The following BBS9 variants were observed in gnomAD, a reference collection of about 807,000 sequenced individuals.
The protein encoded by BBS9 is protein PTHB1.
In BBS9, 89 loss-of-function variants were observed where a neutral mutation model predicts 117.7. The ratio of observed to expected loss-of-function variants is 0.76; its 90% CI spans 0.64 to 0.90. BBS9 has a LOEUF of 0.90. BBS9 is among the 40% of genes least tolerant of loss of function. The pLI is 0.00. For synonymous variants in BBS9, 379 were observed against 370.9 expected (o/e 1.02, Z -0.25); for missense variants, 982 against 1,042.2 (o/e 0.94, Z 0.80).
intron 1 of BBS9, among the ~76,000 whole-genome samples, chr7:33,141,072 G>A (rs779286812): frequency 6.6e-6 from 1 of 152,044 alleles, no homozygotes; most frequent in Non-Finnish European, 1.5e-5. Flanking sequence ...CATCAAATTT[G>A]TTTTTTTCGT....
At position 33,398,925 on chromosome 7, in the gene BBS9, G is replaced by A. The variant is rs190765524; in HGVS notation, c.2115+10781G>A. On this transcript the variant is annotated intron_variant, in intron 19 of 22. Transcript: ENST00000242067. ...GGTCACAAACTCATGTGACCCATCC[G>A]CCTTGGCCTCCCAAAATGCTGAGAT... is the stretch of plus-strand genomic sequence containing the variant. 3.4e-3 allele frequency among the ~76,000 whole-genome samples: 512 copies of A among 152,168 alleles called. 4 individuals are homozygous for A. Among genetic ancestry groups the A allele is most frequent in the African/African-American group, 0.011 (472 of 41,508 alleles).
At chr7:33,181,574 C>T (rs1218161446) in intron 5 of BBS9, among the ~76,000 whole-genome samples, 5 of 152,188 alleles carry the variant, frequency 3.3e-5, no homozygotes, top group Non-Finnish European at 5.9e-5. Flanking sequence ...GCATATAACC[C>T]TTTACACCTT....
intron 12 of BBS9, among the ~76,000 whole-genome samples, chr7:33,348,116 CA>C (rs1817937534): frequency 6.6e-6 from 1 of 151,986 alleles, no homozygotes; most frequent in Non-Finnish European, 1.5e-5. Flanking sequence ...CATTTTATCC[CA>C]CCTAAAAGAA....
At chr7:33,622,916 A>G (rs1450018512) in intron 21 of BBS9, among the ~76,000 whole-genome samples, 1 of 152,244 alleles carries the variant, frequency 6.6e-6, no homozygotes, top group Non-Finnish European at 1.5e-5. Flanking sequence ...AGAAAAGTCA[A>G]TTTTGGTTGG....
intron 10 of BBS9, among the ~76,000 whole-genome samples, chr7:33,338,653 A>T (rs950113232): frequency 6.6e-6 from 1 of 152,192 alleles, no homozygotes; most frequent in Admixed American, 6.5e-5. Flanking sequence ...TGTGTAAGTT[A>T]TAAGAGGAAT....
chr7:33,261,125 C>T (rs1351631822), intron 6 of BBS9, among the ~76,000 whole-genome samples: 2 of 149,576 alleles, frequency 1.3e-5, no homozygotes, highest in African/African-American at 4.9e-5. Flanking sequence ...TTCCTTCTTT[C>T]TCTGCACGTG....
chr7:33,590,129 T>C (rs1044472618), intron 21 of BBS9, among the ~76,000 whole-genome samples: 24 of 152,006 alleles, frequency 1.6e-4, no homozygotes, highest in African/African-American at 4.1e-4. Context: ...AATTAGCCCA[T>C]TGATGGAACC....
At chr7:33,529,052 G>A (rs1337433986) in intron 20 of BBS9, among the ~76,000 whole-genome samples, 1 of 152,200 alleles carries the variant, frequency 6.6e-6, no homozygotes, top group Non-Finnish European at 1.5e-5. Flanking sequence ...TCTCTGGATA[G>A]CAAGAAGCAT....
At chr7:33,505,740 CAAAT>C in intron 20 of BBS9, 95 bp downstream of exon 20, 1 of 1,319,748 alleles carries the variant, frequency 7.6e-7, no homozygotes, top group Non-Finnish European at 1.1e-6. Context: ...TCTAAGGTAT[CAAAT>C]AAGGGTTTGA....
At chr7:33,291,454 A>G (rs1379698791) in intron 9 of BBS9, among the ~76,000 whole-genome samples, 1 of 152,210 alleles carries the variant, frequency 6.6e-6, no homozygotes, top group Non-Finnish European at 1.5e-5. Context: ...CCAAATACAT[A>G]TCTTTCTTTC....
Position 33,388,060 on chromosome 7 carries a change from A to G in BBS9, c.2031A>G (p.Gln677=), listed in dbSNP as rs1462715709. Residue 677 remains glutamine (Q), a synonymous_variant, in exon 19 of 23, where the codon CAA becomes CAG. Transcript: ENST00000242067. ...SERAVQFRAI[Q]RRLLARFKDK... is the part of the protein sequence containing the mutation. ...GAGCTGTACAATTTCGGGCCATTCAACGCCGGCTACTAGCAAGATTCAAAG... is the reference window on the plus strand; with the variant it reads ...GAGCTGTACAATTTCGGGCCATTCAGCGCCGGCTACTAGCAAGATTCAAAG... 1 of 1,614,186 alleles carries G rather than the reference A, an allele frequency of 6.2e-7. No homozygotes were observed. The highest frequency in any genetic ancestry group is 1.7e-5 in the Admixed American group (1 of 60,024).
At chr7:33,368,650 A>G (rs1310596897) in intron 17 of BBS9, among the ~76,000 whole-genome samples, 10 of 151,660 alleles carry the variant, frequency 6.6e-5, no homozygotes, top group Non-Finnish European at 4.4e-5. Context: ...GGCTCAGGAC[A>G]TTCCAATTAA....
chr7:33,268,762 G>C (rs944714894), intron 7 of BBS9, among the ~76,000 whole-genome samples: 3 of 152,146 alleles, frequency 2.0e-5, no homozygotes, highest in Non-Finnish European at 4.4e-5. Flanking sequence ...TAAATTGAAA[G>C]TATTTAGTGG....
rs1379139108 is a variant in BBS9 at position 33,231,624 on chromosome 7, A to G, written c.443-25612A>G. On this transcript the variant is annotated intron_variant, in intron 5 of 22. Transcript: ENST00000242067. The stretch of plus-strand genomic sequence containing the variant: ...TTTTCCTATTTCTGTGAAGAGTGTC[A>G]TTTGGATTTTGGACCCTTTATTTTT... 2.0e-5 allele frequency among the ~76,000 whole-genome samples: 3 copies of G among 151,828 alleles called. No homozygotes were observed. In the East Asian group the frequency reaches 5.8e-4, roughly 29 times the overall value.
At chr7:33,293,737 C>G (rs865973056) in intron 9 of BBS9, among the ~76,000 whole-genome samples, 1 of 152,202 alleles carries the variant, frequency 6.6e-6, no homozygotes, top group Middle Eastern at 3.4e-3. Context: ...AGACTCAGTA[C>G]TCTAGTTAAA....
At chr7:33,129,420 C>T (rs1185186649), upstream of BBS9, 3 of 290,672 alleles carry the variant, frequency 1.0e-5, no homozygotes, top group East Asian at 1.2e-4. Flanking sequence ...CACTCGAGCC[C>T]CGCCCCAGTA....
At chr7:33,582,178 G>A (rs757828746) in intron 21 of BBS9, among the ~76,000 whole-genome samples, 30 of 152,076 alleles carry the variant, frequency 2.0e-4, no homozygotes, top group Non-Finnish European at 2.5e-4. Flanking sequence ...CACTGGGTGA[G>A]GGAAGGCCTA....
At chr7:33,180,998 T>C (rs1798022584) in intron 5 of BBS9, among the ~76,000 whole-genome samples, 1 of 152,170 alleles carries the variant, frequency 6.6e-6, no homozygotes, top group Non-Finnish European at 1.5e-5. Flanking sequence ...TGAATGTGTA[T>C]GTGAATGATC....
intron 21 of BBS9, among the ~76,000 whole-genome samples, chr7:33,622,533 T>G (rs908328621): frequency 3.9e-5 from 6 of 152,204 alleles, no homozygotes; most frequent in African/African-American, 1.4e-4. Flanking sequence ...ACATTCAATA[T>G]CAAAGCATCA....
Sources: gnomAD v4.1 joint callset for allele counts (sites outside exome capture counted in the v4.1 genomes callset) on GRCh38, gnomAD v4.1.1 for gene constraint, MANE v1.5 for transcripts, NCBI Gene and HGNC (gene_info 2026-07-23, HGNC 2026-07-21) for gene names.